LRRC4C: variants seen among roughly 807,000 people sequenced by gnomAD.
LRRC4C encodes the protein leucine rich repeat containing 4C, also known as leucine-rich repeat-containing protein 4C.
A neutral mutation model predicts 33.6 loss-of-function variants in LRRC4C; 5 were observed. The observed-to-expected ratio is 0.15, with a 90% confidence interval of 0.08 to 0.31. LRRC4C has a LOEUF of 0.31. LRRC4C is among the 10% of genes least tolerant of loss of function. LRRC4C has a pLI of 1.00. For synonymous variants in LRRC4C, 329 were observed against 302.0 expected (o/e 1.09, Z -0.93); for missense variants, 560 against 796.7 (o/e 0.70, Z 3.58).
rs1487320040 is a variant in LRRC4C at position 40,613,373 on chromosome 11, A to G, written c.-270+34769T>C. Among the ~76,000 whole-genome samples the G allele has an allele frequency of 2.0e-5, 3 of 151,818 alleles. No individual in the cohort carries two copies. In the East Asian group the frequency reaches 5.8e-4, roughly 29 times the overall value. Reference sequence around the variant, plus strand: ...TTTGACCAGGAATATATTCTATCTCAAGAAACCACTTTCTTTGCTTATCCA... The same window carrying G: ...TTTGACCAGGAATATATTCTATCTCGAGAAACCACTTTCTTTGCTTATCCA... On this transcript the variant is annotated intron_variant, in intron 3 of 6. Transcript: ENST00000528697.
chr11:40,974,374 C>A (rs914596885), intron 1 of LRRC4C, among the ~76,000 whole-genome samples: 1 of 152,126 alleles, frequency 6.6e-6, no homozygotes, highest in South Asian at 2.1e-4. Context: ...CTGGCTGATG[C>A]ACCTTAACAT....
At chr11:40,167,009 G>T (rs1203229910) in intron 5 of LRRC4C, among the ~76,000 whole-genome samples, 1 of 152,090 alleles carries the variant, frequency 6.6e-6, no homozygotes, top group Non-Finnish European at 1.5e-5. Flanking sequence ...GACCAGCATT[G>T]ATTCTACATT....
chr11:40,693,565 C>A (rs1945330695), intron 2 of LRRC4C, among the ~76,000 whole-genome samples: 1 of 152,004 alleles, frequency 6.6e-6, no homozygotes, highest in South Asian at 2.1e-4. Flanking sequence ...GATATACAAT[C>A]TGTGAGGTTG....
chr11:40,893,937 T>C (rs1955828375), intron 2 of LRRC4C, among the ~76,000 whole-genome samples: 1 of 152,052 alleles, frequency 6.6e-6, no homozygotes, highest in Admixed American at 6.6e-5. Context: ...TGACAATAAA[T>C]TCAAAACATA....
At chr11:40,743,006 T>C (rs183883153) in intron 2 of LRRC4C, among the ~76,000 whole-genome samples, 36 of 152,194 alleles carry the variant, frequency 2.4e-4, no homozygotes, top group African/African-American at 7.7e-4. Context: ...CATCTGAATC[T>C]ACAACTTGGG....
intron 1 of LRRC4C, among the ~76,000 whole-genome samples, chr11:41,141,355 G>A (rs1943497146): frequency 6.6e-6 from 1 of 151,764 alleles, no homozygotes; most frequent in Non-Finnish European, 1.5e-5. Flanking sequence ...GACACATAGA[G>A]CCCTGACTAA....
intron 4 of LRRC4C, among the ~76,000 whole-genome samples, chr11:40,281,056 G>A (rs1943439869): frequency 6.6e-6 from 1 of 152,182 alleles, no homozygotes; most frequent in Non-Finnish European, 1.5e-5. Context: ...GGATAGGGAT[G>A]GATGCAGAGA....
intron 1 of LRRC4C, among the ~76,000 whole-genome samples, chr11:41,217,490 C>T (rs1488026931): frequency 1.3e-5 from 2 of 152,160 alleles, no homozygotes; most frequent in African/African-American, 4.8e-5. Context: ...CAAATCCCTG[C>T]TTTTCAATAA....
intron 3 of LRRC4C, among the ~76,000 whole-genome samples, chr11:40,445,028 T>C (rs1216735059): frequency 6.6e-6 from 1 of 152,088 alleles, no homozygotes. Context: ...AACTTTGGGG[T>C]CATCTGACCT....
rs1244848839 is a variant in LRRC4C, at chr11:40,277,257, A to G, written c.-175-35659T>C. 2.0e-5 allele frequency among the ~76,000 whole-genome samples: 3 copies of G among 152,136 alleles called. No homozygotes were observed. The East Asian group carries it at 5.8e-4, about 29-fold the overall frequency. On this transcript the variant is annotated intron_variant, in intron 4 of 6. Transcript: ENST00000528697. The stretch of plus-strand genomic sequence containing the variant: ...ATTAAATGTTTCTTCACTCTCCCCA[A>G]CATAAGAAAACAGTAAGGCCTCCTT...
intron 2 of LRRC4C, among the ~76,000 whole-genome samples, chr11:40,703,231 A>T (rs999353937): frequency 6.6e-6 from 1 of 152,052 alleles, no homozygotes; most frequent in Non-Finnish European, 1.5e-5. Context: ...CCTCACAAAA[A>T]AATGATGATC....
intron 3 of LRRC4C, among the ~76,000 whole-genome samples, chr11:40,392,995 A>G (rs1033801266): frequency 4.6e-5 from 7 of 152,116 alleles, no homozygotes; most frequent in African/African-American, 1.7e-4. Flanking sequence ...ACGATAGCCC[A>G]TTACGCACTC....
intron 1 of LRRC4C, among the ~76,000 whole-genome samples, chr11:41,294,124 A>G (rs776714330): frequency 1.6e-4 from 25 of 152,198 alleles, no homozygotes; most frequent in Non-Finnish European, 3.2e-4. Flanking sequence ...GCCAACTTCT[A>G]TAGACAGTTT....
At chr11:40,846,710 G>A (rs1017451219) in intron 2 of LRRC4C, among the ~76,000 whole-genome samples, 3 of 152,086 alleles carry the variant, frequency 2.0e-5, no homozygotes, top group African/African-American at 7.2e-5. Context: ...CAATGTTAGC[G>A]TGATGGGAAT....
chr11:41,272,575 A>G (rs1034381715), intron 1 of LRRC4C, among the ~76,000 whole-genome samples: 1 of 152,136 alleles, frequency 6.6e-6, no homozygotes, highest in African/African-American at 2.4e-5. Flanking sequence ...TTTTCAAACC[A>G]TGCTAGCTCT....
chr11:40,769,579 A>C (rs534914955), intron 2 of LRRC4C, among the ~76,000 whole-genome samples: 1 of 152,348 alleles, frequency 6.6e-6, no homozygotes, highest in East Asian at 1.9e-4. Context: ...ATCAAAAATT[A>C]TATTACAGAG....
At chr11:41,213,606 G>A (rs1276460037) in intron 1 of LRRC4C, among the ~76,000 whole-genome samples, 1 of 152,144 alleles carries the variant, frequency 6.6e-6, no homozygotes, top group African/African-American at 2.4e-5. Flanking sequence ...TTTTTGAGCA[G>A]GAAAGTTTCT....
chr11:41,104,024 T>G (rs1326889344), intron 1 of LRRC4C, among the ~76,000 whole-genome samples: 1 of 151,884 alleles, frequency 6.6e-6, no homozygotes. Context: ...AAATATAGGA[T>G]CAAATCTTTG....
intron 1 of LRRC4C, among the ~76,000 whole-genome samples, chr11:40,981,846 G>A (rs1852566663): frequency 6.6e-6 from 1 of 152,100 alleles, no homozygotes. Context: ...TAAGTAATGA[G>A]AATCTTTATT....
Sources: gnomAD v4.1 joint callset for allele counts (sites outside exome capture counted in the v4.1 genomes callset) on GRCh38, gnomAD v4.1.1 for gene constraint, MANE v1.5 for transcripts, NCBI Gene and HGNC (gene_info 2026-07-23, HGNC 2026-07-21) for gene names.